GABRA1: variants seen among roughly 807,000 people sequenced by gnomAD.
The protein encoded by GABRA1 is gamma-aminobutyric acid receptor subunit alpha-1.
A neutral mutation model predicts 48.9 loss-of-function variants in GABRA1; 9 were observed. The observed-to-expected ratio is 0.18, with a 90% confidence interval of 0.11 to 0.32. The LOEUF is 0.32. GABRA1 is among the 10% of genes least tolerant of loss of function. GABRA1 has a pLI of 1.00. For synonymous variants in GABRA1, 210 were observed against 198.7 expected (o/e 1.06, Z -0.48); for missense variants, 285 against 553.8 (o/e 0.51, Z 4.87).
chr5:161,870,293 G>C (rs1330069383), intron 4 of GABRA1, among the ~76,000 whole-genome samples: 2 of 152,094 alleles, frequency 1.3e-5, no homozygotes, highest in Admixed American at 1.3e-4. Context: ...CAGGCACAGT[G>C]GATCACTCCT....
intron 3 of GABRA1, among the ~76,000 whole-genome samples, chr5:161,862,563 T>G (rs921629403): frequency 1.3e-5 from 2 of 151,874 alleles, no homozygotes; most frequent in African/African-American, 4.8e-5. Flanking sequence ...TTTGCATAAC[T>G]CTGTAGGTAC....
At chr5:161,853,523 A>C (rs925690094) in intron 2 of GABRA1, 1 of 151,886 alleles carries the variant, frequency 6.6e-6, no homozygotes, top group Non-Finnish European at 1.5e-5. Context: ...TACATCTGAG[A>C]CTAGAAATAA....
chr5:161,875,291 T>C (rs1156914110), intron 5 of GABRA1, among the ~76,000 whole-genome samples: 1 of 152,194 alleles, frequency 6.6e-6, no homozygotes, highest in Non-Finnish European at 1.5e-5. Flanking sequence ...GATTAATTAA[T>C]GGTCGTTTTG....
intron 2 of GABRA1, 61 bp downstream of exon 2, chr5:161,850,945 G>T: frequency 7.1e-7 from 1 of 1,414,926 alleles, no homozygotes; most frequent in Non-Finnish European, 1.0e-6. Context: ...TTATTTTATC[G>T]GGGGAAGAAA....
intron 1 of GABRA1, chr5:161,848,980 C>T (rs1402659376): frequency 2.2e-6 from 1 of 455,414 alleles, no homozygotes; most frequent in Non-Finnish European, 4.4e-6. Flanking sequence ...GTAGGGGTCT[C>T]TCCCATTCTG....
intron 3 of GABRA1, among the ~76,000 whole-genome samples, chr5:161,863,039 G>A (rs76828407): frequency 0.011 from 1,632 of 151,488 alleles, 32 homozygotes; most frequent in African/African-American, 0.037. Context: ...TTGAATTATC[G>A]CTTCAAAACA....
intron 3 of GABRA1, among the ~76,000 whole-genome samples, chr5:161,864,506 C>G (rs1383873182): frequency 6.6e-6 from 1 of 151,896 alleles, no homozygotes; most frequent in South Asian, 2.1e-4. Flanking sequence ...GGGAAAAGGG[C>G]CAGCTCTTGA....
At chr5:161,895,559 T>C in intron 8 of GABRA1, 107 bp from the exon 9 acceptor site, 1 of 1,021,796 alleles carries the variant, frequency 9.8e-7, no homozygotes, top group Non-Finnish European at 1.5e-6. Flanking sequence ...AGAAACCACA[T>C]TCTGTCATGA....
intron 3 of GABRA1, among the ~76,000 whole-genome samples, chr5:161,863,949 G>A (rs80324189): frequency 2.0e-4 from 30 of 151,970 alleles, no homozygotes; most frequent in African/African-American, 6.7e-4. Context: ...TAGAAAATTA[G>A]CAGAGTTTTC....
At chr5:161,884,382 C>G (rs543504597) in intron 7 of GABRA1, among the ~76,000 whole-genome samples, 4 of 152,216 alleles carry the variant, frequency 2.6e-5, no homozygotes, top group African/African-American at 9.6e-5. Flanking sequence ...AACACATAAA[C>G]TGTAATTATC....
chr5:161,880,619 A>G (rs966166681), intron 6 of GABRA1, among the ~76,000 whole-genome samples: 2 of 152,204 alleles, frequency 1.3e-5, no homozygotes, highest in African/African-American at 2.4e-5. Flanking sequence ...CTTATGGAAA[A>G]TTTTGTTTTT....
intron 1 of GABRA1, chr5:161,850,517 C>G (rs1757398401): frequency 3.8e-6 from 2 of 521,752 alleles, no homozygotes; most frequent in Non-Finnish European, 6.7e-6. Context: ...ATAAACAACT[C>G]ACAGTTTTTA....
intron 4 of GABRA1, 51 bp from the exon 5 acceptor site, chr5:161,873,066 A>G (rs1323095061): frequency 1.4e-6 from 2 of 1,385,612 alleles, no homozygotes; most frequent in Non-Finnish European, 2.1e-6. Context: ...AGATATTTGC[A>G]TTGCAAAATA....
intron 6 of GABRA1, among the ~76,000 whole-genome samples, chr5:161,878,066 G>T (rs569910037): frequency 1.3e-5 from 2 of 152,284 alleles, no homozygotes; most frequent in African/African-American, 2.4e-5. Flanking sequence ...GTAACGTCAC[G>T]AGAGAAGGAC....
At chr5:161,854,822 T>C (rs1757585760) in intron 3 of GABRA1, among the ~76,000 whole-genome samples, 1 of 151,574 alleles carries the variant, frequency 6.6e-6, no homozygotes, top group Non-Finnish European at 1.5e-5. Context: ...TTTTACTTGG[T>C]ATATCAATTA....
chr5:161,866,963 G>A (rs1182591025), intron 4 of GABRA1, among the ~76,000 whole-genome samples: 1 of 151,996 alleles, frequency 6.6e-6, no homozygotes, highest in East Asian at 1.9e-4. Context: ...CACATAGAAG[G>A]GTATATCCTT....
At chr5:161,869,409 T>G (rs1476962695) in intron 4 of GABRA1, among the ~76,000 whole-genome samples, 1 of 152,176 alleles carries the variant, frequency 6.6e-6, no homozygotes, top group African/African-American at 2.4e-5. Context: ...ACCCAGGTTA[T>G]TTAGCCCTAG....
At chr5:161,883,043 G>T (rs750406968) in intron 7 of GABRA1, among the ~76,000 whole-genome samples, 1 of 152,102 alleles carries the variant, frequency 6.6e-6, no homozygotes, top group Admixed American at 6.6e-5. Flanking sequence ...CCCCTTGCAG[G>T]GTGGTTGGAA....
chr5:161,872,038 A>G (rs1754144204), intron 4 of GABRA1, among the ~76,000 whole-genome samples: 1 of 152,172 alleles, frequency 6.6e-6, no homozygotes, highest in Non-Finnish European at 1.5e-5. Context: ...TGTAGGTCCT[A>G]ATAACGATAT....
Sources: gnomAD v4.1 joint callset for allele counts (sites outside exome capture counted in the v4.1 genomes callset) on GRCh38, gnomAD v4.1.1 for gene constraint, MANE v1.5 for transcripts, NCBI Gene and HGNC (gene_info 2026-07-23, HGNC 2026-07-21) for gene names.